NRAP: variants seen among roughly 807,000 people sequenced by gnomAD.
The protein encoded by NRAP is nebulin related anchoring protein, also known as nebulin-related-anchoring protein.
In NRAP, 189 loss-of-function variants were observed where a neutral mutation model predicts 225.9. That is an observed-to-expected ratio of 0.84 (90% confidence interval 0.74 to 0.94). The LOEUF (loss-of-function observed/expected upper bound fraction) is 0.94. Ranked by LOEUF, NRAP falls within the 40% of genes least tolerant of loss-of-function variation. The pLI, the probability that NRAP is intolerant of heterozygous loss-of-function variation, is 0.00. For missense variants in NRAP, 2,176 were observed against 2,168.7 expected, an observed-to-expected ratio of 1.00 and a Z score of -0.07; for synonymous variants, 769 against 790.7, an observed-to-expected ratio of 0.97 and a Z score of 0.46.
At position 113,626,217 on chromosome 10, in the gene NRAP, A is replaced by C. The variant is rs3814578; in HGVS notation, c.2146-72T>G. Reference sequence around the variant, plus strand: ...CCTACCACCCTACTCATGTGCCCCCACACACACACACATTCTTTCTGTGGT... The same window carrying C: ...CCTACCACCCTACTCATGTGCCCCCCCACACACACACATTCTTTCTGTGGT... On this transcript the variant is annotated intron_variant, in intron 20 of 41. Coordinates refer to ENST00000359988, the MANE Select transcript of NRAP (RefSeq NM_198060.4). The C allele has an allele frequency of 0.16, 127,523 of 777,796 alleles. 10,607 individuals are homozygous for C. The highest frequency in any genetic ancestry group is 0.32 in the African/African-American group (18,394 of 57,978). The allele number at this position is 777,796 out of a possible 1,614,324, so 48.2% of individuals were successfully genotyped here. A position where few individuals can be genotyped will look rare whatever the true frequency, so the allele number is the denominator to read the frequency against.
chr10:113,620,296 T>C (rs1032732318), intron 25 of NRAP, among the ~76,000 whole-genome samples: 15 of 152,214 alleles, frequency 9.9e-5, no homozygotes, highest in Non-Finnish European at 1.5e-5. Context: ...CATAAATGTA[T>C]CTTTTCATCA....
chr10:113,618,481 C>T (rs115816359), intron 25 of NRAP, among the ~76,000 whole-genome samples: 2,444 of 152,334 alleles, frequency 0.016, 66 homozygotes, highest in African/African-American at 0.053. Context: ...TTACGTGCTG[C>T]CTATGGCCAT....
intron 3 of NRAP, among the ~76,000 whole-genome samples, chr10:113,660,697 G>A (rs1449950313): frequency 2.0e-5 from 3 of 152,208 alleles, no homozygotes; most frequent in East Asian, 3.9e-4. Context: ...ACAGCATTCT[G>A]AGGTAAAGTA....
chr10:113,630,446 T>TGGTGATGGTGAA (rs1180135112), intron 18 of NRAP, among the ~76,000 whole-genome samples: 1 of 152,060 alleles, frequency 6.6e-6, no homozygotes, highest in Non-Finnish European at 1.5e-5. Flanking sequence ...GCAATGACCA[T>TGGTGATGGTGAA]GGTGATGGTG....
At chr10:113,635,281 T>C (rs1848805888) in intron 14 of NRAP, among the ~76,000 whole-genome samples, 1 of 152,164 alleles carries the variant, frequency 6.6e-6, no homozygotes, top group African/African-American at 2.4e-5. Flanking sequence ...AGGAACAGGT[T>C]TGAGGCTGGA....
rs576369387 is a variant in NRAP at position 113,616,040 on chromosome 10, C to G, written c.2974-224G>C. Among the ~76,000 whole-genome samples, 3 of 152,316 alleles carry G rather than the reference C, an allele frequency of 2.0e-5. No homozygotes were observed. The East Asian group carries it at 5.8e-4, about 29-fold the overall frequency. ...GAACATGACAAGCTGAAGCATTCCC[C>G]TCAGTGAACGCCCCACTCATAGTAA... On this transcript the variant is annotated intron_variant, in intron 26 of 41. Coordinates refer to ENST00000359988, the MANE Select transcript of NRAP (RefSeq NM_198060.4).
chr10:113,620,331 A>C lies in NRAP; in HGVS notation c.2874+273T>G, dbSNP rs549849477. On this transcript the variant is annotated intron_variant, in intron 25 of 41. Coordinates refer to ENST00000359988, the MANE Select transcript of NRAP (RefSeq NM_198060.4). ...ATCTCTCCTGTGTTGCTTCATTAAA[A>C]AGGTAAGTTGGTGGGTAGCAATTGA... Among the ~76,000 whole-genome samples the C allele has an allele frequency of 2.6e-5, 4 of 152,290 alleles. No homozygotes were observed. The South Asian group carries it at 6.2e-4, about 24-fold the overall frequency.
chr10:113,597,228 T>C, intron 36 of NRAP, 44 bp from the exon 37 acceptor site: 1 of 1,228,648 alleles, frequency 8.1e-7, no homozygotes, highest in Non-Finnish European at 1.2e-6. Flanking sequence ...CAGTCCAACA[T>C]CATGCATCTT....
intron 38 of NRAP, among the ~76,000 whole-genome samples, chr10:113,594,187 G>C (rs1325261431): frequency 2.0e-5 from 3 of 151,972 alleles, no homozygotes; most frequent in Non-Finnish European, 4.4e-5. Flanking sequence ...AGTTATTTCG[G>C]CTGCCTTACA....
chr10:113,634,234 G>A (rs761259415), intron 14 of NRAP, 24 bp from the exon 15 acceptor site: 1 of 1,492,696 alleles, frequency 6.7e-7, no homozygotes, highest in African/African-American at 1.4e-5. Context: ...GGCACAAAAA[G>A]ATGTCATTTG....
In NRAP at chr10:113,650,488, T is replaced by G; in HGVS notation, c.733A>C (p.Ile245Leu). The G allele has an allele frequency of 6.2e-7, 1 of 1,613,996 alleles. No homozygotes were observed. The highest frequency in any genetic ancestry group is 1.3e-5 in the African/African-American group (1 of 75,024). The change falls in exon 8 of 42, where the codon ATC (isoleucine) becomes CTC (leucine). Residue 245 changes from isoleucine (I) to leucine (L), a missense_variant. Transcript: ENST00000359988. ...QRGKGSFPAM[I>L]TPAYQIAKRA... ...TTGGCTATCTGATAGGCGGGTGTGA[T>G]CATCGCAGGGAAACTGCCTTTCCCT...
intron 35 of NRAP, among the ~76,000 whole-genome samples, chr10:113,600,639 G>A (rs1048258121): frequency 2.6e-5 from 4 of 152,164 alleles, no homozygotes; most frequent in Non-Finnish European, 4.4e-5. Context: ...GCCACCTGGG[G>A]AAGCCAAAGA....
At position 113,651,803 on chromosome 10, in the gene NRAP, A is replaced by G. The variant is rs1849987809; in HGVS notation, c.675T>C (p.Asp225=). The G allele has an allele frequency of 3.7e-6, 6 of 1,600,420 alleles. No individual in the cohort carries two copies. Among genetic ancestry groups the G allele is most frequent in the Non-Finnish European group, 5.1e-6 (6 of 1,167,990 alleles). ...TGGACTGGCCTCCCTCCTTTCTTAC[A>G]TCACTTTGAAGCTGTGCCCCAGCCT... ...RSKAGAQLQS[D]VRYTEDYEQQ... is the part of the protein sequence containing the mutation. The change falls in exon 7 of 42, where the codon GAT becomes GAC. Residue 225 remains aspartate (D), a splice_region_variant and synonymous_variant. Transcript: ENST00000359988.
intron 9 of NRAP, 149 bp from the exon 10 acceptor site, chr10:113,647,176 T>C (rs906052023): frequency 1.1e-5 from 7 of 639,596 alleles, no homozygotes; most frequent in Non-Finnish European, 2.0e-5. Context: ...TAAACATTCC[T>C]TTTAAGATGG....
chr10:113,612,156 C>A, intron 30 of NRAP, 78 bp downstream of exon 30: 1 of 1,169,790 alleles, frequency 8.5e-7, no homozygotes, highest in Non-Finnish European at 1.3e-6. Flanking sequence ...TTTCACTGAG[C>A]CAACAGGAGC....
intron 4 of NRAP, among the ~76,000 whole-genome samples, chr10:113,656,672 A>G (rs1483739031): frequency 6.6e-6 from 1 of 152,262 alleles, no homozygotes; most frequent in Non-Finnish European, 1.5e-5. Flanking sequence ...AGTTCACCTT[A>G]CAGATGAGAA....
chr10:113,639,091 CAAAAAAAAAAAAA>C (rs60509891), intron 14 of NRAP, among the ~76,000 whole-genome samples: 1 of 115,820 alleles, frequency 8.6e-6, no homozygotes, highest in South Asian at 2.7e-4. Context: ...ATGTATATAG[CAAAAAAAAAAAAA>C]AAAAAAAAAA....
At chr10:113,632,953 A>G in intron 16 of NRAP, 131 bp downstream of exon 16, 1 of 658,452 alleles carries the variant, frequency 1.5e-6, no homozygotes, top group East Asian at 2.7e-5. Flanking sequence ...ATTCAAAGTT[A>G]CAACTTGATG....
chr10:113,644,147 CAAAAAAAAA>C (rs60015356), intron 11 of NRAP, among the ~76,000 whole-genome samples: 4 of 47,986 alleles, frequency 8.3e-5, no homozygotes, highest in South Asian at 2.6e-3. Context: ...AACTCCCTCT[CAAAAAAAAA>C]AAAAAAAAAA....
Sources: gnomAD v4.1 joint callset for allele counts (sites outside exome capture counted in the v4.1 genomes callset) on GRCh38, gnomAD v4.1.1 for gene constraint, MANE v1.5 for transcripts, NCBI Gene and HGNC (gene_info 2026-07-23, HGNC 2026-07-21) for gene names.